Variants in SYNPO2 observed in about 807,000 individuals in gnomAD.
SYNPO2 encodes the protein synaptopodin 2.
A neutral mutation model predicts 85.0 loss-of-function variants in SYNPO2; 56 were observed. That is an observed-to-expected ratio of 0.66 (90% confidence interval 0.53 to 0.82). The LOEUF (loss-of-function observed/expected upper bound fraction) is 0.82, where lower values mean the gene tolerates loss of function less well. SYNPO2 is among the 40% of genes least tolerant of loss of function. The pLI, the probability that SYNPO2 is intolerant of heterozygous loss-of-function variation, is 0.00. For synonymous variants in SYNPO2, 602 were observed against 591.1 expected (o/e 1.02, Z -0.27); for missense variants, 1,575 against 1,534.2 (o/e 1.03, Z -0.44).
Position 118,943,075 on chromosome 4 carries a change from C to T in SYNPO2, c.105+53934C>T, listed in dbSNP as rs544193454. Among the ~76,000 whole-genome samples the T allele has an allele frequency of 2.3e-3, 344 of 151,538 alleles. 5 individuals carry two copies. The highest frequency in any genetic ancestry group is 1.3e-3 in the Non-Finnish European group (87 of 67,940). ...TGAGCCAAGATCATGCCACTGCACTCCAGCTTGGGTGACAGAGCGAGACTC... is the reference window on the plus strand; with the variant it reads ...TGAGCCAAGATCATGCCACTGCACTTCAGCTTGGGTGACAGAGCGAGACTC... On this transcript the variant is annotated intron_variant, in intron 1 of 4. Coordinates refer to ENST00000307142, the MANE Select transcript of SYNPO2 (RefSeq NM_133477.3).
At chr4:118,942,140 G>C (rs1734336452) in intron 1 of SYNPO2, among the ~76,000 whole-genome samples, 1 of 152,104 alleles carries the variant, frequency 6.6e-6, no homozygotes, top group South Asian at 2.1e-4. Flanking sequence ...CTCTGGGAAG[G>C]ACAGTCTCTC....
At chr4:118,853,553 A>T (rs550681269) in intron 1 of SYNPO2, among the ~76,000 whole-genome samples, 1 of 127,128 alleles carries the variant, frequency 7.9e-6, no homozygotes, top group Non-Finnish European at 1.9e-5. Context: ...GACAGAGATA[A>T]GCCTATCTCT....
At chr4:118,879,445 G>C (rs895615911) in intron 1 of SYNPO2, among the ~76,000 whole-genome samples, 1 of 152,180 alleles carries the variant, frequency 6.6e-6, no homozygotes, top group African/African-American at 2.4e-5. Context: ...TAGAGCCCTT[G>C]TGAATGGATT....
At chr4:118,950,550 TG>T (rs1734662510) in intron 1 of SYNPO2, among the ~76,000 whole-genome samples, 1 of 152,208 alleles carries the variant, frequency 6.6e-6, no homozygotes, top group Non-Finnish European at 1.5e-5. Flanking sequence ...GTTATAAGAA[TG>T]GTCCCCAACT....
intron 1 of SYNPO2, among the ~76,000 whole-genome samples, chr4:118,908,749 T>C (rs1733028939): frequency 6.6e-6 from 1 of 152,184 alleles, no homozygotes; most frequent in Admixed American, 6.6e-5. Flanking sequence ...AATGCCGTCA[T>C]ACCACTGCCC....
In SYNPO2 at chr4:118,980,061, A is replaced by T. The variant is rs74807467; in HGVS notation, c.106-43369A>T. Among the ~76,000 whole-genome samples the T allele has an allele frequency of 7.5e-3, 1,137 of 152,346 alleles. 11 individuals are homozygous for T. Among genetic ancestry groups the T allele is most frequent in the Middle Eastern group, 0.031 (9 of 294 alleles). ...AATAAAGTTGGATACATTGCATAGT[A>T]TATGCGGTTTTTAAGCTAACTTAAA... On this transcript the variant is annotated intron_variant, in intron 1 of 4. Transcript: ENST00000307142.
intron 4 of SYNPO2, chr4:119,037,832 T>C (rs535277624): frequency 4.8e-6 from 1 of 207,964 alleles, no homozygotes; most frequent in Non-Finnish European, 8.4e-6. Context: ...CCCCATTTTA[T>C]AGATTACAGA....
intron 1 of SYNPO2, among the ~76,000 whole-genome samples, chr4:118,975,663 C>A (rs1434495880): frequency 1.3e-5 from 2 of 152,174 alleles, no homozygotes; most frequent in African/African-American, 4.8e-5. Flanking sequence ...GAGTAAGACA[C>A]ACAGGGATAT....
chr4:118,886,769 G>A (rs138691947), upstream of SYNPO2, among the ~76,000 whole-genome samples: 77 of 152,216 alleles, frequency 5.1e-4, no homozygotes, highest in African/African-American at 1.7e-3. Flanking sequence ...AAGTCAATTC[G>A]TGTTTCTGAA....
chr4:118,887,173 G>A (rs1470499933), upstream of SYNPO2, among the ~76,000 whole-genome samples: 2 of 139,960 alleles, frequency 1.4e-5, no homozygotes, highest in South Asian at 2.3e-4. Flanking sequence ...GTGAGTGTGT[G>A]TGTGTGTGTG....
At chr4:118,937,225 C>G (rs1354195314) in intron 1 of SYNPO2, among the ~76,000 whole-genome samples, 3 of 152,180 alleles carry the variant, frequency 2.0e-5, no homozygotes, top group East Asian at 3.9e-4. Context: ...CCAAGTACAT[C>G]TCCCTTCATT....
At chr4:118,896,592 A>G (rs72671606) in intron 1 of SYNPO2, among the ~76,000 whole-genome samples, 22,847 of 152,202 alleles carry the variant, frequency 0.15, 2,023 homozygotes, top group Non-Finnish European at 0.2. Context: ...GAACATGTTT[A>G]TGGTTTTGGA....
chr4:118,864,594 A>G (rs974378747), intron 1 of SYNPO2, among the ~76,000 whole-genome samples: 1 of 152,148 alleles, frequency 6.6e-6, no homozygotes, highest in Non-Finnish European at 1.5e-5. Flanking sequence ...AGCTCTAGTA[A>G]TATTTGCTTT....
chr4:118,931,156 T>G (rs1733919764), intron 1 of SYNPO2, among the ~76,000 whole-genome samples: 1 of 152,060 alleles, frequency 6.6e-6, no homozygotes, highest in Admixed American at 6.6e-5. Flanking sequence ...TACAGGACTT[T>G]TCAATGAAAA....
In SYNPO2 at chr4:118,889,973, A is replaced by G. The variant is rs145255683; in HGVS notation, c.105+832A>G. The stretch of plus-strand genomic sequence containing the variant: ...AAGCAAACTTTTACCTAACCTTATC[A>G]TCAAATTGCAAATTATAGTATTGTA... On this transcript the variant is annotated intron_variant, in intron 1 of 4. Transcript: ENST00000307142. 6.0e-3 allele frequency among the ~76,000 whole-genome samples: 910 copies of G among 152,332 alleles called. 2 individuals are homozygous for G. The highest frequency in any genetic ancestry group is 0.017 in the Middle Eastern group (5 of 294).
chr4:118,887,013 A>T (rs1037451980), upstream of SYNPO2, among the ~76,000 whole-genome samples: 5 of 152,304 alleles, frequency 3.3e-5, no homozygotes, highest in African/African-American at 1.2e-4. Context: ...GAGAAAAAAA[A>T]ATGTATTTCC....
Position 118,900,727 on chromosome 4 carries a change from ATATATGTC to A in SYNPO2, c.105+11588_105+11595del, listed in dbSNP as rs1328155113. Reference sequence around the variant, plus strand: ...TCTATATATATATATATATATATATATATATGTCTGTCTGTCTATCTATCTATCTATCT... The same window carrying A: ...TCTATATATATATATATATATATATATGTCTGTCTATCTATCTATCTATCT... On this transcript the variant is annotated intron_variant, in intron 1 of 4. Coordinates refer to ENST00000307142, the MANE Select transcript of SYNPO2 (RefSeq NM_133477.3). 5.4e-3 allele frequency among the ~76,000 whole-genome samples: 542 copies of A among 99,984 alleles called. 6 individuals are homozygous for A. Among genetic ancestry groups the A allele is most frequent in the African/African-American group, 0.018 (502 of 27,588 alleles). 65.6% of individuals were successfully genotyped at this position (99,984 alleles called of 152,430 possible).
chr4:118,858,953 T>C (rs1731559374), intron 1 of SYNPO2, among the ~76,000 whole-genome samples: 1 of 152,166 alleles, frequency 6.6e-6, no homozygotes, highest in African/African-American at 2.4e-5. Flanking sequence ...CCACATCCCA[T>C]GATAAGTAGT....
intron 1 of SYNPO2, among the ~76,000 whole-genome samples, chr4:118,914,006 G>A (rs1560857382): frequency 6.6e-6 from 1 of 152,046 alleles, no homozygotes. Context: ...AGAAATAATA[G>A]GATTCTAGAT....
Sources: gnomAD v4.1 joint callset for allele counts (sites outside exome capture counted in the v4.1 genomes callset) on GRCh38, gnomAD v4.1.1 for gene constraint, MANE v1.5 for transcripts, NCBI Gene and HGNC (gene_info 2026-07-23, HGNC 2026-07-21) for gene names.